The following TAFA1 variants were observed in gnomAD, a reference collection of about 807,000 sequenced individuals.
TAFA1 encodes chemokine-like protein TAFA-1.
A neutral mutation model predicts 18.5 loss-of-function variants in TAFA1; 4 were observed. The ratio of observed to expected loss-of-function variants is 0.22; its 90% confidence interval spans 0.11 to 0.49. TAFA1 has a LOEUF of 0.49. Ranked by LOEUF, TAFA1 falls within the 20% of genes least tolerant of loss-of-function variation. The pLI is 0.98. For synonymous variants in TAFA1, 56 were observed against 55.2 expected, an observed-to-expected ratio of 1.01 and a Z score of -0.06; for missense variants, 147 against 169.0, an observed-to-expected ratio of 0.87 and a Z score of 0.72.
In TAFA1 at chr3:68,404,122, C is replaced by T. The variant is rs537208985; in HGVS notation, c.119-13158C>T. 2.6e-5 allele frequency among the ~76,000 whole-genome samples: 4 copies of T among 152,276 alleles called. No homozygotes were observed. In the South Asian group the frequency reaches 8.3e-4, roughly 32 times the overall value. ...TGAAAGTATTATAGTACTATTTTCC[C>T]CATTTTACAGATGAGGAGACTAAGA... On this transcript the variant is annotated intron_variant, in intron 2 of 4. Coordinates refer to ENST00000478136, the MANE Select transcript of TAFA1 (RefSeq NM_213609.4).
intron 3 of TAFA1, among the ~76,000 whole-genome samples, chr3:68,468,353 T>C (rs2071928777): frequency 6.6e-6 from 1 of 152,204 alleles, no homozygotes. Context: ...ATGAAGAACA[T>C]ACTTTTCTTT....
intron 3 of TAFA1, among the ~76,000 whole-genome samples, chr3:68,442,607 T>C (rs1368537569): frequency 6.6e-6 from 1 of 151,832 alleles, no homozygotes; most frequent in Non-Finnish European, 1.5e-5. Flanking sequence ...AGTGAGTGAA[T>C]GAAGGAAAAA....
At chr3:68,369,608 G>A (rs186202973) in intron 2 of TAFA1, among the ~76,000 whole-genome samples, 9 of 152,238 alleles carry the variant, frequency 5.9e-5, no homozygotes, top group East Asian at 1.9e-4. Flanking sequence ...TTTCTGAATC[G>A]TTGTTTTCCC....
At chr3:68,406,717 G>A (rs533383395) in intron 2 of TAFA1, among the ~76,000 whole-genome samples, 152 of 152,284 alleles carry the variant, frequency 1.0e-3, no homozygotes, top group South Asian at 3.5e-3. Flanking sequence ...AAATTTGAAG[G>A]CAGATCTAAG....
chr3:68,185,461 G>T (rs1405085678), intron 2 of TAFA1, among the ~76,000 whole-genome samples: 1 of 152,078 alleles, frequency 6.6e-6, no homozygotes, highest in Non-Finnish European at 1.5e-5. Flanking sequence ...TTCATGGTTT[G>T]CTCCACCAGA....
rs116593051 is a variant in TAFA1 at position 68,541,872 on chromosome 3, T to C, written c.385-2614T>C. On this transcript the variant is annotated intron_variant, in intron 4 of 4. Coordinates refer to ENST00000478136, the MANE Select transcript of TAFA1 (RefSeq NM_213609.4). Reference sequence around the variant, plus strand: ...ATCCTGAACAAAATTCTCTTCGAAATGTGGTTAAATAATGTTTCAAAGTCT... The same window carrying C: ...ATCCTGAACAAAATTCTCTTCGAAACGTGGTTAAATAATGTTTCAAAGTCT... Among the ~76,000 whole-genome samples the C allele has an allele frequency of 5.4e-3, 815 of 152,262 alleles. 5 individuals are homozygous for C. Among genetic ancestry groups the C allele is most frequent in the African/African-American group, 0.019 (791 of 41,552 alleles).
At chr3:68,486,092 ATTTTATTTTG>A (rs747528434) in intron 3 of TAFA1, among the ~76,000 whole-genome samples, 17,491 of 88,588 alleles carry the variant, frequency 0.2, 1,296 homozygotes, top group Non-Finnish European at 0.21. Flanking sequence ...ATTTTATTTT[ATTTTATTTTG>A]TTTTATTTTA....
chr3:68,417,532 T>G, intron 3 of TAFA1, 112 bp downstream of exon 3: 1 of 1,008,306 alleles, frequency 9.9e-7, no homozygotes, highest in Non-Finnish European at 1.5e-6. Flanking sequence ...GCATCCGAAG[T>G]GTTAGAAAGT....
chr3:68,470,423 A>G (rs949925586), intron 3 of TAFA1, among the ~76,000 whole-genome samples: 4 of 152,218 alleles, frequency 2.6e-5, no homozygotes, highest in African/African-American at 9.6e-5. Context: ...AGGTTGGAAC[A>G]GTTTAGAGGA....
chr3:68,394,351 A>G (rs1345847636), intron 2 of TAFA1, among the ~76,000 whole-genome samples: 1 of 152,214 alleles, frequency 6.6e-6, no homozygotes, highest in Non-Finnish European at 1.5e-5. Flanking sequence ...AGGAAGAATC[A>G]ATATCGTGAA....
chr3:68,443,880 A>T (rs2071430322), intron 3 of TAFA1, among the ~76,000 whole-genome samples: 1 of 152,174 alleles, frequency 6.6e-6, no homozygotes, highest in Admixed American at 6.5e-5. Context: ...CATCCCAAAT[A>T]CAAAACACAT....
At chr3:68,197,582 T>A (rs1172153760) in intron 2 of TAFA1, among the ~76,000 whole-genome samples, 2 of 151,490 alleles carry the variant, frequency 1.3e-5, no homozygotes, top group Non-Finnish European at 3.0e-5. Flanking sequence ...CTTTTTTTTT[T>A]AATTGCTGGC....
At chr3:68,418,929 G>A (rs971338505) in intron 3 of TAFA1, among the ~76,000 whole-genome samples, 3 of 152,100 alleles carry the variant, frequency 2.0e-5, no homozygotes, top group African/African-American at 2.4e-5. Flanking sequence ...TGTGTGTCAC[G>A]AATTAAACTT....
chr3:68,295,524 C>G (rs4516615), intron 2 of TAFA1, among the ~76,000 whole-genome samples: 100,361 of 152,100 alleles, frequency 0.66, 34,040 homozygotes, highest in East Asian at 0.9. Context: ...ACACAAAATT[C>G]TCAAGCCTAT....
intron 3 of TAFA1, among the ~76,000 whole-genome samples, chr3:68,519,091 T>A (rs929296738): frequency 3.9e-5 from 6 of 152,244 alleles, no homozygotes. Context: ...CTAATTAGAA[T>A]ATTGCTACTG....
chr3:68,032,383 T>C (rs1236011564), intron 2 of TAFA1, among the ~76,000 whole-genome samples: 1 of 152,190 alleles, frequency 6.6e-6, no homozygotes, highest in Non-Finnish European at 1.5e-5. Context: ...TCTCATGCCA[T>C]ATAAATTCTG....
intron 2 of TAFA1, among the ~76,000 whole-genome samples, chr3:68,157,078 G>C (rs1424166419): frequency 6.6e-6 from 1 of 152,174 alleles, no homozygotes; most frequent in Non-Finnish European, 1.5e-5. Flanking sequence ...TTTTAGTTCA[G>C]ATTGACTTAA....
At chr3:68,359,318 A>G (rs1189239267) in intron 2 of TAFA1, among the ~76,000 whole-genome samples, 1 of 151,998 alleles carries the variant, frequency 6.6e-6, no homozygotes, top group African/African-American at 2.4e-5. Flanking sequence ...ATACCCCCAC[A>G]ATCCCTAGCA....
chr3:68,213,021 A>ATT (rs746541365), intron 2 of TAFA1, among the ~76,000 whole-genome samples: 7 of 145,722 alleles, frequency 4.8e-5, no homozygotes, highest in African/African-American at 1.3e-4. Flanking sequence ...AAATGGTGGT[A>ATT]TTTTTTTTTT....
Sources: allele counts gnomAD v4.1 joint callset (sites outside exome capture counted in the v4.1 genomes callset), GRCh38; gene constraint gnomAD v4.1.1; transcripts MANE v1.5; gene names NCBI Gene and HGNC (gene_info 2026-07-23, HGNC 2026-07-21).